MAST4: variants seen among roughly 807,000 people sequenced by gnomAD.
MAST4 encodes the protein microtubule associated serine/threonine kinase family member 4, also known as microtubule-associated serine/threonine-protein kinase 4.
A neutral mutation model predicts 162.7 loss-of-function variants in MAST4; 89 were observed. The observed-to-expected ratio is 0.55, with a 90% confidence interval of 0.46 to 0.65. The LOEUF (loss-of-function observed/expected upper bound fraction) is 0.65, where lower values mean the gene tolerates loss of function less well. Ranked by LOEUF, MAST4 falls within the 30% of genes least tolerant of loss-of-function variation. The pLI, the probability that MAST4 is intolerant of heterozygous loss-of-function variation, is 0.00. For synonymous variants in MAST4, 1,479 were observed against 1,361.1 expected, an observed-to-expected ratio of 1.09 and a Z score of -1.91; for missense variants, 3,153 against 3,374.0, an observed-to-expected ratio of 0.93 and a Z score of 1.62.
intron 4 of MAST4, among the ~76,000 whole-genome samples, chr5:67,040,795 G>A (rs1248143512): frequency 1.3e-5 from 2 of 152,132 alleles, no homozygotes; most frequent in African/African-American, 4.8e-5. Context: ...AATCATTATT[G>A]GGCCTAGGCC....
chr5:66,637,101 G>T (rs750465116), intron 1 of MAST4, among the ~76,000 whole-genome samples: 3 of 152,126 alleles, frequency 2.0e-5, no homozygotes, highest in Admixed American at 6.6e-5. Context: ...AAAGACATAT[G>T]ATTTAGCAAT....
rs566324934 is a variant in MAST4 at position 66,631,407 on chromosome 5, C to T, written c.363+34389C>T. Among the ~76,000 whole-genome samples, 8 of 152,180 alleles carry T rather than the reference C, an allele frequency of 5.3e-5. No individual in the cohort carries two copies. The East Asian group carries it at 1.4e-3, about 26-fold the overall frequency. ...TTGGAGTTTCTATGTTTTGTGTATG[C>T]TTTTATTTCAAAATCTGAATCTCTT... On this transcript the variant is annotated intron_variant, in intron 1 of 28. Coordinates refer to ENST00000403625, the MANE Select transcript of MAST4 (RefSeq NM_001164664.2).
chr5:66,710,729 C>T (rs1160382505), intron 1 of MAST4, among the ~76,000 whole-genome samples: 2 of 152,196 alleles, frequency 1.3e-5, no homozygotes, highest in African/African-American at 2.4e-5. Context: ...GTGGTCTTAA[C>T]TTTCCCTTAT....
rs766364887 is a variant in MAST4 at position 67,166,348 on chromosome 5, G to GCCTTT, written c.7175_7179dup (p.Val2394ProfsTer9). 1.2e-5 allele frequency: 20 copies of GCCTTT among 1,607,944 alleles called. No individual in the cohort carries two copies. Among genetic ancestry groups the GCCTTT allele is most frequent in the Non-Finnish European group, 1.7e-5 (20 of 1,177,170 alleles). ...GCAGAGGGCGACAAGCTCGAGGCCG[G>GCCTTT]CCTTTCCTTTGTGCATAGCGAGAAC... On this transcript the variant is annotated frameshift_variant, in exon 29 of 29. Transcript: ENST00000403625. LOFTEE classifies it low-confidence loss of function (END_TRUNC).
chr5:66,821,666 G>C (rs1757002635), intron 3 of MAST4, among the ~76,000 whole-genome samples: 1 of 152,192 alleles, frequency 6.6e-6, no homozygotes, highest in Admixed American at 6.5e-5. Flanking sequence ...CCTGTTCTCA[G>C]AGTGAACATT....
intron 3 of MAST4, among the ~76,000 whole-genome samples, chr5:66,888,146 T>C (rs953611783): frequency 6.6e-6 from 1 of 152,256 alleles, no homozygotes; most frequent in Non-Finnish European, 1.5e-5. Context: ...ATATATATCT[T>C]CTATAAGCTA....
intron 3 of MAST4, among the ~76,000 whole-genome samples, chr5:66,898,551 G>A (rs957774076): frequency 3.3e-5 from 5 of 152,132 alleles, no homozygotes; most frequent in Non-Finnish European, 5.9e-5. Context: ...AGGGAGCCAA[G>A]TTCAGCAAAC....
In MAST4 at chr5:66,609,052, ATT is replaced by A. The variant is rs33928003; in HGVS notation, c.363+12052_363+12053del. On this transcript the variant is annotated intron_variant, in intron 1 of 28. Coordinates refer to ENST00000403625, the MANE Select transcript of MAST4 (RefSeq NM_001164664.2). ...GTGGAATTGGATCTTTCTCCCTTAG[ATT>A]TTTTTTTTTTTTTTTTTCCCTGTAA... 8.1e-4 allele frequency among the ~76,000 whole-genome samples: 106 copies of A among 130,070 alleles called. 1 individual carries two copies. The highest frequency in any genetic ancestry group is 1.8e-3 in the East Asian group (8 of 4,438). 85.3% of individuals were successfully genotyped at this position (130,070 alleles called of 152,430 possible).
At chr5:66,732,643 T>G (rs1310598825) in intron 1 of MAST4, among the ~76,000 whole-genome samples, 1 of 152,226 alleles carries the variant, frequency 6.6e-6, no homozygotes, top group Admixed American at 6.5e-5. Context: ...TCAACATTTG[T>G]TCTTTGAATG....
chr5:66,898,722 T>C (rs1762834143), intron 3 of MAST4, among the ~76,000 whole-genome samples: 1 of 152,228 alleles, frequency 6.6e-6, no homozygotes, highest in Non-Finnish European at 1.5e-5. Context: ...TTGCTGATTG[T>C]TTTTCTTGCT....
intron 3 of MAST4, among the ~76,000 whole-genome samples, chr5:66,861,179 T>C (rs1458174081): frequency 6.6e-6 from 1 of 152,216 alleles, no homozygotes; most frequent in Non-Finnish European, 1.5e-5. Context: ...AGTCTGGAGC[T>C]CATGGGGACC....
intron 1 of MAST4, among the ~76,000 whole-genome samples, chr5:66,726,784 A>G (rs79138420): frequency 0.019 from 2,862 of 152,202 alleles, 96 homozygotes; most frequent in African/African-American, 0.065. Context: ...TGTGAACCCT[A>G]TTATGAACTG....
intron 4 of MAST4, among the ~76,000 whole-genome samples, chr5:67,049,092 A>G (rs1225508773): frequency 8.3e-6 from 1 of 120,820 alleles, no homozygotes; most frequent in Non-Finnish European, 1.7e-5. Context: ...CTACCATACC[A>G]AGAATGAATG....
intron 18 of MAST4, 21 bp from the exon 19 acceptor site, chr5:67,136,542 A>T (rs1291083096): frequency 6.4e-7 from 1 of 1,561,970 alleles, no homozygotes; most frequent in South Asian, 1.2e-5. Flanking sequence ...TATGGTTATA[A>T]ACAACTTTTC....
At chr5:66,738,717 C>T (rs573368966) in intron 1 of MAST4, among the ~76,000 whole-genome samples, 16 of 152,284 alleles carry the variant, frequency 1.1e-4, no homozygotes, top group African/African-American at 3.4e-4. Context: ...GAAAGTGCTC[C>T]GACACAGGTC....
chr5:67,015,310 C>G lies in MAST4; in HGVS notation c.675-39094C>G, dbSNP rs538269982. Among the ~76,000 whole-genome samples, 4 of 152,284 alleles carry G rather than the reference C, an allele frequency of 2.6e-5. No individual in the cohort carries two copies. The South Asian group carries it at 8.3e-4, about 32-fold the overall frequency. ...CCAGCCTGGAGCTGAAGAAACAACC[C>G]CTGCTTTTCAAACCTTCCATTCTTA... On this transcript the variant is annotated intron_variant, in intron 4 of 28. Transcript: ENST00000403625.
intron 3 of MAST4, among the ~76,000 whole-genome samples, chr5:66,851,138 A>G (rs1284686831): frequency 6.6e-6 from 1 of 152,150 alleles, no homozygotes; most frequent in Non-Finnish European, 1.5e-5. Flanking sequence ...TTTTAGCACA[A>G]TATTCCATCT....
chr5:67,164,552 A>C lies in MAST4; in HGVS notation c.5373A>C (p.Glu1791Asp). ...VRKSPSEYKL[E>D]GRSVSCLKPI... is the part of the protein sequence containing the mutation. ...AGAGCCCCTCCGAGTATAAGCTGGA[A>C]GGTAGGTCTGTCTCATGCCTGAAGC... The change falls in exon 29 of 29, where the codon GAA (glutamate) becomes GAC (aspartate). Residue 1791 changes from glutamate to aspartate, a missense_variant. Glu to Asp is a conservative substitution (Grantham distance 45, BLOSUM62 2). This residue lies in a region of MAST4 where 1,644 missense variants were observed against 1,495.0 expected (regional missense o/e 1.10). Transcript: ENST00000403625. The surrounding 1 kb of genome is among the most constrained non-coding windows in gnomAD (Gnocchi z 5.3). 6.2e-7 allele frequency: 1 copy of C among 1,613,968 alleles called. No homozygotes were observed.
Position 67,168,579 on chromosome 5 carries a change from A to C in MAST4, c.*1528A>C, listed in dbSNP as rs1416963700. 1 of 152,206 alleles carries C rather than the reference A, an allele frequency of 6.6e-6. No homozygotes were observed. Among genetic ancestry groups the C allele is most frequent in the African/African-American group, 2.4e-5 (1 of 41,442 alleles). 9.4% of individuals were successfully genotyped at this position (152,206 alleles called of 1,614,324 possible). A position where few individuals can be genotyped will look rare whatever the true frequency, so the allele number is the denominator to read the frequency against. The stretch of plus-strand genomic sequence containing the variant: ...TTGTAAGATGGCACTTGCTGATATA[A>C]ATACTAAGGCACTAAGAGAAAATAC... On this transcript the variant is annotated 3_prime_UTR_variant, in exon 29 of 29. Transcript: ENST00000403625.
Sources: gnomAD v4.1 joint callset for allele counts (sites outside exome capture counted in the v4.1 genomes callset) on GRCh38, gnomAD v4.1.1 for gene constraint, gnomAD v4.1.1 regional missense constraint, Gnocchi (gnomAD v3.1) non-coding constraint, MANE v1.5 for transcripts, NCBI Gene and HGNC (gene_info 2026-07-23, HGNC 2026-07-21) for gene names.